The following SYTL5 variants were observed in gnomAD, a reference collection of about 807,000 sequenced individuals.
SYTL5 encodes the protein synaptotagmin-like protein 5.
Under a neutral mutation model 55.9 loss-of-function variants are expected in SYTL5, and 34 were observed. The ratio of observed to expected loss-of-function variants is 0.61; its 90% CI spans 0.46 to 0.81. The LOEUF (loss-of-function observed/expected upper bound fraction) is 0.81, where lower values mean the gene tolerates loss of function less well. Ranked by LOEUF, SYTL5 falls within the 30% of genes least tolerant of loss-of-function variation. The probability of loss-of-function intolerance (pLI) is 0.00; values close to 1 mark genes in which losing one functional copy is unlikely to be tolerated. For missense variants in SYTL5, 637 were observed against 546.7 expected (o/e 1.17, Z -1.65); for synonymous variants, 221 against 188.7 (o/e 1.17, Z -1.40).
At chrX:38,047,215 A>G (rs1935488973) in intron 2 of SYTL5, among the ~76,000 whole-genome samples, 1 of 112,485 alleles carries the variant, frequency 8.9e-6, no homozygotes, top group Admixed American at 9.3e-5. Flanking sequence ...CTCCATCCCC[A>G]CATTTCCCTT....
chrX:37,923,823 G>A, the SYTL5 span, among the ~76,000 whole-genome samples: 2 of 111,553 alleles, frequency 1.8e-5, no homozygotes, highest in Non-Finnish European at 3.8e-5. Flanking sequence ...AATTACCTTG[G>A]TAGAAGCAGG....
the SYTL5 span, among the ~76,000 whole-genome samples, chrX:37,963,334 G>A: frequency 1.9e-5 from 2 of 103,892 alleles, no homozygotes; most frequent in African/African-American, 7.1e-5. Flanking sequence ...TATCTCCCAG[G>A]CTGGAGTGCA....
At chrX:37,994,688 G>T in the SYTL5 span, 1 of 101,284 alleles carries the variant, frequency 9.9e-6, no homozygotes. Flanking sequence ...AATCTGAGGA[G>T]GAAGAGGAGG....
chrX:38,089,403 G>C, intron 6 of SYTL5, 43 bp from the exon 7 acceptor site: 2 of 1,174,719 alleles, frequency 1.7e-6, no homozygotes, highest in Non-Finnish European at 2.3e-6. Flanking sequence ...TTTGGTTGCT[G>C]CTCTGCTTCC....
At chrX:37,895,409 T>TTTCC in the SYTL5 span, among the ~76,000 whole-genome samples, 8,967 of 83,329 alleles carry the variant, frequency 0.11, 654 homozygotes, top group Non-Finnish European at 0.12. Context: ...TAGTTTTTCT[T>TTTCC]TTCCTTCCTT....
chrX:38,118,920 A>AATATATAT (rs61288420), intron 13 of SYTL5, among the ~76,000 whole-genome samples: 5 of 89,003 alleles, frequency 5.6e-5, no homozygotes, highest in African/African-American at 2.2e-4. Context: ...ATGCCCAGCT[A>AATATATAT]ATATATATAT....
the SYTL5 span, among the ~76,000 whole-genome samples, chrX:37,964,556 T>C: frequency 3.6e-5 from 4 of 111,457 alleles, no homozygotes; most frequent in Non-Finnish European, 5.6e-5. Context: ...GTAATTTTCT[T>C]TCCTTTAGGT....
chrX:37,959,962 G>A, the SYTL5 span, among the ~76,000 whole-genome samples: 2 of 111,685 alleles, frequency 1.8e-5, no homozygotes, highest in Admixed American at 1.9e-4. Context: ...CATGGATGCT[G>A]CCAAAGTTTA....
chrX:38,038,666 A>G (rs903007632), intron 2 of SYTL5, among the ~76,000 whole-genome samples: 1 of 112,234 alleles, frequency 8.9e-6, no homozygotes, highest in African/African-American at 3.2e-5. Flanking sequence ...AGGACTTTTC[A>G]CATTGGCAAA....
At chrX:37,954,352 G>T in the SYTL5 span, among the ~76,000 whole-genome samples, 1 of 111,781 alleles carries the variant, frequency 8.9e-6, no homozygotes, top group African/African-American at 3.2e-5. Flanking sequence ...AGTCTGTAGG[G>T]CTGTGTGATT....
chrX:38,011,349 T>C (rs1460752682), intron 1 of SYTL5, among the ~76,000 whole-genome samples: 1 of 111,919 alleles, frequency 8.9e-6, no homozygotes, highest in Non-Finnish European at 1.9e-5. Context: ...GTTATACTGC[T>C]GGCCGGGCGC....
rs72169928 is a variant in SYTL5 at position 38,074,905 on chromosome X, AACAC to A, written c.554+1233_554+1236del. 6.0e-3 allele frequency among the ~76,000 whole-genome samples: 616 copies of A among 102,720 alleles called. 4 individuals are homozygous for A. Among genetic ancestry groups the A allele is most frequent in the South Asian group, 0.019 (41 of 2,190 alleles). 89.2% of individuals were successfully genotyped at this position (102,720 alleles called of 115,157 possible). A position where few individuals can be genotyped will look rare whatever the true frequency, so the allele number is the denominator to read the frequency against. ...TCATATTGCACTCTGACACCCCCTCAACACACACACACACACACACACACACACA... is the reference window on the plus strand; with the variant it reads ...TCATATTGCACTCTGACACCCCCTCAACACACACACACACACACACACACA... On this transcript the variant is annotated intron_variant, in intron 5 of 16. Transcript: ENST00000297875.
intron 6 of SYTL5, among the ~76,000 whole-genome samples, chrX:38,082,800 T>C (rs923471983): frequency 9.0e-6 from 1 of 111,362 alleles, no homozygotes; most frequent in African/African-American, 3.3e-5. Context: ...AAATAAAAAG[T>C]ACAAAGGAAA....
At chrX:38,056,629 T>A (rs937771908) in intron 3 of SYTL5, among the ~76,000 whole-genome samples, 5 of 112,018 alleles carry the variant, frequency 4.5e-5, no homozygotes, top group African/African-American at 1.6e-4. Context: ...CATTTGTTAT[T>A]GCCTGTCTTT....
intron 14 of SYTL5, 104 bp downstream of exon 14, chrX:38,120,570 A>G (rs1351216023): frequency 3.3e-6 from 2 of 606,625 alleles, no homozygotes; most frequent in East Asian, 3.4e-5. Context: ...TATTACACAA[A>G]CAAAACATAA....
intron 1 of SYTL5, among the ~76,000 whole-genome samples, chrX:38,019,588 G>A (rs1218216079): frequency 8.9e-6 from 1 of 111,908 alleles, no homozygotes; most frequent in East Asian, 2.8e-4. Context: ...CTTCATGAAT[G>A]TATCCCCTAG....
Position 38,108,609 on chromosome X carries a change from G to C in SYTL5, c.1344G>C (p.Lys448Asn). 3 of 1,181,147 alleles carry C rather than the reference G, an allele frequency of 2.5e-6. No homozygotes were observed. Among genetic ancestry groups the C allele is most frequent in the Non-Finnish European group, 3.4e-6 (3 of 873,265 alleles). Residue 448 changes from lysine (K) to asparagine (N), a missense_variant, in exon 12 of 17, where the codon AAG becomes AAC. Physicochemically the swap from Lys to Asn is moderately conservative, Grantham distance 94. Transcript: ENST00000297875. ...ATTTTCTTATCTATAGTTATGTCAA[G>C]TCATATCTTCTTCCTGACAAGTCCC... ...EKKQRTDAYV[K>N]SYLLPDKSRN...
At chrX:38,029,390 A>G (rs915376528) in intron 1 of SYTL5, among the ~76,000 whole-genome samples, 2 of 112,570 alleles carry the variant, frequency 1.8e-5, no homozygotes, top group African/African-American at 6.5e-5. Flanking sequence ...TGCATGTAAA[A>G]CTGTTTCTTC....
chrX:37,963,617 T>C, the SYTL5 span, among the ~76,000 whole-genome samples: 1 of 112,133 alleles, frequency 8.9e-6, no homozygotes, highest in East Asian at 2.8e-4. Flanking sequence ...TTTACTAATT[T>C]TTAAATTAGT....
Sources: gnomAD v4.1 joint callset for allele counts (sites outside exome capture counted in the v4.1 genomes callset) on GRCh38, gnomAD v4.1.1 for gene constraint, MANE v1.5 for transcripts, NCBI Gene and HGNC (gene_info 2026-07-23, HGNC 2026-07-21) for gene names.